The following DDX1 variants were observed in gnomAD, a reference collection of about 807,000 sequenced individuals.
The protein encoded by DDX1 is DEAD-box helicase 1.
A neutral mutation model predicts 108.7 loss-of-function variants in DDX1; 28 were observed. That is an observed-to-expected ratio of 0.26 (90% confidence interval 0.19 to 0.35). The LOEUF (loss-of-function observed/expected upper bound fraction) is 0.35. Ranked by LOEUF, DDX1 falls within the 10% of genes least tolerant of loss-of-function variation. The pLI is 1.00. For synonymous variants in DDX1, 295 were observed against 288.9 expected, an observed-to-expected ratio of 1.02 and a Z score of -0.21; for missense variants, 710 against 884.5, an observed-to-expected ratio of 0.80 and a Z score of 2.50.
chr2:15,606,036 A>G lies in DDX1; in HGVS notation c.702+10A>G. Reference sequence around the variant, plus strand: ...TGCCTGTGTTTTGAAGGTAATTAGGAATCTAGTTAGAAAAAATTTGCTGTG... The same window carrying G: ...TGCCTGTGTTTTGAAGGTAATTAGGGATCTAGTTAGAAAAAATTTGCTGTG... On this transcript the variant is annotated intron_variant, in intron 11 of 25. Coordinates refer to ENST00000233084, the MANE Select transcript of DDX1 (RefSeq NM_004939.3). 1 of 1,580,440 alleles carries G rather than the reference A, an allele frequency of 6.3e-7. No homozygotes were observed. The highest frequency in any genetic ancestry group is 8.6e-7 in the Non-Finnish European group (1 of 1,164,470).
In DDX1 at chr2:15,620,318, T is replaced by C. The variant is rs748465663; in HGVS notation, c.1317T>C (p.Asp439=). Residue 439 remains aspartate, a synonymous_variant, in exon 17 of 26, where the codon GAT becomes GAC. Coordinates refer to ENST00000233084, the MANE Select transcript of DDX1 (RefSeq NM_004939.3). The stretch of plus-strand genomic sequence containing the variant: ...TAAAAGGAGAAGACTCTGTTCCAGA[T>C]ACTGTACACCATGTTGTTGTCCCAG... ...VDLKGEDSVP[D]TVHHVVVPVN... The C allele has an allele frequency of 6.2e-7, 1 of 1,614,098 alleles. No individual in the cohort carries two copies. The highest frequency in any genetic ancestry group is 1.1e-5 in the South Asian group (1 of 91,072).
intron 6 of DDX1, among the ~76,000 whole-genome samples, chr2:15,600,300 G>A (rs1665569807): frequency 6.6e-6 from 1 of 152,168 alleles, no homozygotes; most frequent in African/African-American, 2.4e-5. Context: ...ATCTGTGATT[G>A]TTCCATAGTG....
At chr2:15,626,636 A>G (rs1410685365) in intron 19 of DDX1, among the ~76,000 whole-genome samples, 7 of 152,146 alleles carry the variant, frequency 4.6e-5, no homozygotes, top group African/African-American at 1.4e-4. Flanking sequence ...AGAAGAGAGC[A>G]GGCTTATGGG....
At chr2:15,606,543 G>A (rs1665665817) in intron 12 of DDX1, among the ~76,000 whole-genome samples, 1 of 152,232 alleles carries the variant, frequency 6.6e-6, no homozygotes, top group Admixed American at 6.5e-5. Flanking sequence ...ACCACATTAA[G>A]TGCTTTACAT....
chr2:15,628,819 G>T lies in DDX1; in HGVS notation c.1855G>T (p.Val619Leu). Residue 619 changes from valine (V) to leucine (L), a missense_variant, in exon 23 of 26, where the codon GTG becomes TTG. This residue lies in a region of DDX1 where 661 missense variants were observed against 810.2 expected (regional missense o/e 0.82). Coordinates refer to ENST00000233084, the MANE Select transcript of DDX1 (RefSeq NM_004939.3). ...CAGGATGGGTCTGGCAATTTCCCTG[G>T]TGGCAACAGAAAAAGAAAAGGTAAT... The part of the protein sequence containing the change: ...AERMGLAISL[V>L]ATEKEKVWYH... The T allele has an allele frequency of 6.2e-7, 1 of 1,613,608 alleles. No homozygotes were observed. Among genetic ancestry groups the T allele is most frequent in the African/African-American group, 1.3e-5 (1 of 74,984 alleles).
chr2:15,631,005 G>T lies in DDX1; in HGVS notation c.*99G>T, dbSNP rs377002986. 192 of 1,177,744 alleles carry T rather than the reference G, an allele frequency of 1.6e-4. No individual in the cohort carries two copies. In the East Asian group the frequency reaches 3.8e-3, roughly 24 times the overall value. The allele number at this position is 1,177,744 out of a possible 1,614,324, so 73.0% of individuals were successfully genotyped here. A position where few individuals can be genotyped will look rare whatever the true frequency, so the allele number is the denominator to read the frequency against. On this transcript the variant is annotated 3_prime_UTR_variant, in exon 26 of 26. Transcript: ENST00000233084. ...TCCAAGCAGCAGTATTTATAGTAAC[G>T]TAAGCTATTAATGCTAACTCTTGCA... is the stretch of plus-strand genomic sequence containing the variant.
chr2:15,595,897 GT>G (rs1558450104), intron 3 of DDX1, among the ~76,000 whole-genome samples: 2 of 151,408 alleles, frequency 1.3e-5, no homozygotes, highest in South Asian at 4.2e-4. Context: ...TTTTGTTTTT[GT>G]TTTTTGGAAA....
chr2:15,606,034 G>A lies in DDX1; in HGVS notation c.702+8G>A, dbSNP rs1665655672. On this transcript the variant is annotated splice_region_variant and intron_variant, in intron 11 of 25. Coordinates refer to ENST00000233084, the MANE Select transcript of DDX1 (RefSeq NM_004939.3). Reference sequence around the variant, plus strand: ...CCTGCCTGTGTTTTGAAGGTAATTAGGAATCTAGTTAGAAAAAATTTGCTG... The same window carrying A: ...CCTGCCTGTGTTTTGAAGGTAATTAAGAATCTAGTTAGAAAAAATTTGCTG... 1 of 1,582,414 alleles carries A rather than the reference G, an allele frequency of 6.3e-7. No individual in the cohort carries two copies. The highest frequency in any genetic ancestry group is 8.6e-7 in the Non-Finnish European group (1 of 1,165,984).
At chr2:15,613,198 TA>T in intron 13 of DDX1, 25 bp from the exon 14 acceptor site, 1 of 1,481,420 alleles carries the variant, frequency 6.8e-7, no homozygotes, top group Non-Finnish European at 9.2e-7. Context: ...TTTTTTTTTA[TA>T]TTATCATCTT....
At chr2:15,611,806 T>A in intron 13 of DDX1, among the ~76,000 whole-genome samples, 1 of 91,718 alleles carries the variant, frequency 1.1e-5, no homozygotes, top group East Asian at 5.1e-4. Flanking sequence ...CCCACCTCCC[T>A]CCCGGACGGG....
chr2:15,609,106 C>T (rs1285705691), intron 13 of DDX1, among the ~76,000 whole-genome samples: 1 of 152,098 alleles, frequency 6.6e-6, no homozygotes, highest in Non-Finnish European at 1.5e-5. Flanking sequence ...CAATAAATGC[C>T]TTGAGCATAC....
intron 25 of DDX1, 65 bp from the exon 26 acceptor site, chr2:15,630,711 A>G: frequency 1.3e-6 from 2 of 1,548,442 alleles, no homozygotes; most frequent in Admixed American, 3.5e-5. Flanking sequence ...ATTGAGCCAA[A>G]GTATTGCTGA....
At chr2:15,598,262 A>G (rs1486735098) in intron 5 of DDX1, among the ~76,000 whole-genome samples, 3 of 152,206 alleles carry the variant, frequency 2.0e-5, no homozygotes, top group African/African-American at 4.8e-5. Context: ...CATAAAATGT[A>G]TAATGTAGAA....
At chr2:15,607,478 T>G (rs1341285351) in intron 13 of DDX1, among the ~76,000 whole-genome samples, 165 bp downstream of exon 13, 1 of 150,862 alleles carries the variant, frequency 6.6e-6, no homozygotes, top group East Asian at 2.0e-4. Flanking sequence ...AACTCCTGTT[T>G]GTTTGCTAAA....
rs1233756602 is a variant in DDX1 at position 15,628,660 on chromosome 2, T to C, written c.1782T>C (p.Asp594=). 4 of 1,612,856 alleles carry C rather than the reference T, an allele frequency of 2.5e-6. No homozygotes were observed. The African/African-American group carries it at 4.0e-5, about 16-fold the overall frequency. ...TAGTTATAAATGTCACTCTGCCCGA[T>C]GAAAAGCAAAACTACGTACATCGAA... ...VPYVINVTLP[D]EKQNYVHRIG... is the part of the protein sequence containing the mutation. Residue 594 remains aspartate, a synonymous_variant, in exon 22 of 26, where the codon GAT becomes GAC. Coordinates refer to ENST00000233084, the MANE Select transcript of DDX1 (RefSeq NM_004939.3).
chr2:15,597,471 G>C lies in DDX1; in HGVS notation c.259G>C (p.Val87Leu). 6.3e-7 allele frequency: 1 copy of C among 1,581,848 alleles called. No individual in the cohort carries two copies. Among genetic ancestry groups the C allele is most frequent in the Non-Finnish European group, 8.6e-7 (1 of 1,159,378 alleles). The change falls in exon 5 of 26, where the codon GTG becomes CTG. Residue 87 changes from valine to leucine, a missense_variant and splice_region_variant. By Grantham distance (32) the Val-to-Leu change is conservative (BLOSUM62 1). Transcript: ENST00000233084. ...AACAACAATTAAAACTGGTGCTTCAGGTAATTTTTGTAAATTGATATTTCC... is the reference window on the plus strand; with the variant it reads ...AACAACAATTAAAACTGGTGCTTCACGTAATTTTTGTAAATTGATATTTCC... ...GKTTIKTGAS[V>L]LNKWQMNPYD...
At chr2:15,620,125 C>T (rs1665972936) in intron 16 of DDX1, 83 bp from the exon 17 acceptor site, 1 of 1,258,192 alleles carries the variant, frequency 7.9e-7, no homozygotes, top group Non-Finnish European at 1.1e-6. Context: ...GGCTAGCACA[C>T]TTTGTGTTTC....
chr2:15,596,974 T>A (rs909348651), intron 4 of DDX1, among the ~76,000 whole-genome samples: 5 of 152,220 alleles, frequency 3.3e-5, no homozygotes, highest in Admixed American at 6.5e-5. Context: ...TAAATGGGCG[T>A]TAGAGAGTTA....
At chr2:15,609,315 C>T (rs972564535) in intron 13 of DDX1, among the ~76,000 whole-genome samples, 1 of 152,098 alleles carries the variant, frequency 6.6e-6, no homozygotes, top group Non-Finnish European at 1.5e-5. Context: ...AAGTCATGGG[C>T]CACTTGTTTG....
Sources: gnomAD v4.1 joint callset for allele counts (sites outside exome capture counted in the v4.1 genomes callset) on GRCh38, gnomAD v4.1.1 for gene constraint, gnomAD v4.1.1 regional missense constraint, MANE v1.5 for transcripts, NCBI Gene and HGNC (gene_info 2026-07-23, HGNC 2026-07-21) for gene names.